The following LGSN variants were observed in gnomAD, a reference collection of about 807,000 sequenced individuals.
LGSN encodes the protein lengsin, lens protein with glutamine synthetase domain, also known as lengsin.
A neutral mutation model predicts 19.5 loss-of-function variants in LGSN; 21 were observed. That is an observed-to-expected ratio of 1.07 (90% CI 0.76 to 1.55). The LOEUF is 1.55. Ranked by LOEUF, LGSN falls within the 40% of genes most tolerant of loss-of-function variation. The probability of loss-of-function intolerance (pLI) is 0.00; values close to 1 mark genes in which losing one functional copy is unlikely to be tolerated. For synonymous variants in LGSN, 257 were observed against 215.6 expected, an observed-to-expected ratio of 1.19 and a Z score of -1.68; for missense variants, 673 against 608.5, an observed-to-expected ratio of 1.11 and a Z score of -1.12.
At chr6:63,501,579 G>A in the LGSN span, among the ~76,000 whole-genome samples, 3 of 151,834 alleles carry the variant, frequency 2.0e-5, no homozygotes, top group South Asian at 6.2e-4. Flanking sequence ...ACCAGCTGCT[G>A]TCTAATGTGA....
At chr6:63,569,772 CTTTTAGAGGTG>C in the LGSN span, among the ~76,000 whole-genome samples, 1 of 152,106 alleles carries the variant, frequency 6.6e-6, no homozygotes, top group Non-Finnish European at 1.5e-5. Context: ...TAAGCATTGG[CTTTTAGAGGTG>C]TTTTCTCCCT....
chr6:63,412,544 A>G, the LGSN span, among the ~76,000 whole-genome samples: 3 of 140,478 alleles, frequency 2.1e-5, no homozygotes, highest in Admixed American at 7.1e-5. Flanking sequence ...GAAAGAAAGA[A>G]AGAAAGAAAG....
the LGSN span, among the ~76,000 whole-genome samples, chr6:63,527,172 A>G: frequency 1.3e-5 from 2 of 152,208 alleles, no homozygotes; most frequent in African/African-American, 4.8e-5. Context: ...CCTTTCTTCT[A>G]CAGTGAGTCT....
intron 1 of LGSN, among the ~76,000 whole-genome samples, chr6:63,305,042 G>A (rs1768325461): frequency 6.6e-6 from 1 of 152,090 alleles, no homozygotes; most frequent in South Asian, 2.1e-4. Flanking sequence ...TCTTGCATTA[G>A]ACCCCAACAG....
the LGSN span, among the ~76,000 whole-genome samples, chr6:63,361,248 C>T: frequency 3.8e-3 from 582 of 152,330 alleles, 8 homozygotes; most frequent in African/African-American, 0.013. Context: ...TGCCCTGCCC[C>T]CTGAGGTGGA....
the LGSN span, among the ~76,000 whole-genome samples, chr6:63,556,819 A>C: frequency 2.0e-5 from 3 of 152,206 alleles, no homozygotes; most frequent in Admixed American, 6.5e-5. Flanking sequence ...AAATGCCCAA[A>C]TATAACAAGC....
chr6:63,399,953 C>T, the LGSN span, among the ~76,000 whole-genome samples: 8 of 152,188 alleles, frequency 5.3e-5, no homozygotes, highest in Non-Finnish European at 1.0e-4. Flanking sequence ...GATCTTCCCA[C>T]TTCAGCCTCC....
the LGSN span, among the ~76,000 whole-genome samples, chr6:63,542,651 T>C: frequency 2.6e-5 from 4 of 152,170 alleles, no homozygotes; most frequent in Non-Finnish European, 5.9e-5. Flanking sequence ...AGTTGACCAG[T>C]TTTCTCCTTG....
At chr6:63,326,828 G>T in the LGSN span, among the ~76,000 whole-genome samples, 2 of 152,088 alleles carry the variant, frequency 1.3e-5, no homozygotes, top group African/African-American at 4.8e-5. Flanking sequence ...TCCAACTCAC[G>T]CCTCTCCCTC....
the LGSN span, among the ~76,000 whole-genome samples, chr6:63,450,117 C>CG: frequency 1.4e-5 from 2 of 144,902 alleles, no homozygotes; most frequent in Admixed American, 1.5e-4. Context: ...GAGGCTGAGG[C>CG]GGGTGGATCA....
the LGSN span, chr6:63,527,809 T>C: frequency 2.6e-5 from 4 of 152,200 alleles, no homozygotes; most frequent in African/African-American, 9.7e-5. Flanking sequence ...TTGCTCTTTT[T>C]CCTCTGCAGA....
the LGSN span, among the ~76,000 whole-genome samples, chr6:63,524,516 A>G: frequency 1.1e-4 from 16 of 152,216 alleles, no homozygotes; most frequent in Admixed American, 1.0e-3. Flanking sequence ...AAAAATATGT[A>G]TAATTTTAAT....
chr6:63,359,769 CT>C, the LGSN span, among the ~76,000 whole-genome samples: 7 of 151,942 alleles, frequency 4.6e-5, no homozygotes, highest in Admixed American at 1.3e-4. Flanking sequence ...TTTTGTTGAT[CT>C]TTTCAAAAAC....
At chr6:63,470,661 A>G in the LGSN span, among the ~76,000 whole-genome samples, 1 of 151,980 alleles carries the variant, frequency 6.6e-6, no homozygotes, top group East Asian at 1.9e-4. Context: ...TAAGGAATAC[A>G]CCTTAAAAAT....
the LGSN span, among the ~76,000 whole-genome samples, chr6:63,453,788 G>T: frequency 6.6e-6 from 1 of 152,018 alleles, no homozygotes; most frequent in African/African-American, 2.4e-5. Flanking sequence ...CAAGTAGCTG[G>T]AACTACAGGC....
chr6:63,428,192 G>T, the LGSN span, among the ~76,000 whole-genome samples: 5 of 151,874 alleles, frequency 3.3e-5, no homozygotes, highest in Non-Finnish European at 7.4e-5. Context: ...AATAAAGCAG[G>T]TTCCCCAACC....
At chr6:63,323,729 T>C (rs183253413), upstream of LGSN, among the ~76,000 whole-genome samples, 95 of 151,346 alleles carry the variant, frequency 6.3e-4, no homozygotes, top group African/African-American at 2.1e-3. Context: ...CTCTAATGTC[T>C]AGCTTAAGAG....
the LGSN span, among the ~76,000 whole-genome samples, chr6:63,505,555 A>AG: frequency 1.3e-5 from 1 of 75,438 alleles, no homozygotes; most frequent in Admixed American, 1.5e-4. Flanking sequence ...GAATCTGTCA[A>AG]AAAAAAAAAA....
At chr6:63,390,765 A>G in the LGSN span, among the ~76,000 whole-genome samples, 6 of 150,778 alleles carry the variant, frequency 4.0e-5, no homozygotes, top group African/African-American at 1.2e-4. Flanking sequence ...AGGCTGAGGC[A>G]GGAGAATGGC....
Sources: gnomAD v4.1 joint callset for allele counts (sites outside exome capture counted in the v4.1 genomes callset) on GRCh38, gnomAD v4.1.1 for gene constraint, MANE v1.5 for transcripts, NCBI Gene and HGNC (gene_info 2026-07-23, HGNC 2026-07-21) for gene names.